CEP85: variants seen among roughly 807,000 people sequenced by gnomAD.
CEP85 encodes the protein centrosomal protein of 85 kDa.
A neutral mutation model predicts 93.7 loss-of-function variants in CEP85; 58 were observed. The ratio of observed to expected loss-of-function variants is 0.62; its 90% CI spans 0.50 to 0.77. The LOEUF (loss-of-function observed/expected upper bound fraction) is 0.77. Among genes scored for constraint, CEP85 ranks in the 30% least tolerant of loss-of-function variants. CEP85 has a pLI of 0.00. For synonymous variants in CEP85, 314 were observed against 338.6 expected (o/e 0.93, Z 0.80); for missense variants, 868 against 922.0 (o/e 0.94, Z 0.76).
chr1:26,269,663 C>A, intron 9 of CEP85, 49 bp downstream of exon 9: 2 of 1,459,852 alleles, frequency 1.4e-6, no homozygotes, highest in Non-Finnish European at 1.9e-6. Flanking sequence ...AGTTTTTTGT[C>A]ATAGCCATCC....
At chr1:26,247,308 C>T (rs1300356738) in intron 3 of CEP85, among the ~76,000 whole-genome samples, 1 of 152,062 alleles carries the variant, frequency 6.6e-6, no homozygotes, top group Non-Finnish European at 1.5e-5. Context: ...CATTAATATA[C>T]TAAAACCCAT....
At chr1:26,245,979 C>CA (rs11403503) in intron 3 of CEP85, among the ~76,000 whole-genome samples, 79,186 of 147,892 alleles carry the variant, frequency 0.54, 21,996 homozygotes, top group Non-Finnish European at 0.65. Context: ...GACCCTGTCT[C>CA]AAAAAAAAAA....
rs2090079305 is a variant in CEP85, at chr1:26,278,116, T to G, written c.*823T>G. On this transcript the variant is annotated 3_prime_UTR_variant, in exon 14 of 14. Transcript: ENST00000451429. ...TATCCCAGAGACCACAGAGCAACTGTCAAGCTGCTTACCCCCTCACCCAGG... is the reference window on the plus strand; with the variant it reads ...TATCCCAGAGACCACAGAGCAACTGGCAAGCTGCTTACCCCCTCACCCAGG... 1 of 152,612 alleles carries G rather than the reference T, an allele frequency of 6.6e-6. No individual in the cohort carries two copies. The highest frequency in any genetic ancestry group is 1.5e-5 in the Non-Finnish European group (1 of 68,060). The allele number at this position is 152,612 out of a possible 1,614,324, so 9.5% of individuals were successfully genotyped here. A position where few individuals can be genotyped will look rare whatever the true frequency, so the allele number is the denominator to read the frequency against.
At chr1:26,270,476 A>C (rs752763479) in intron 9 of CEP85, among the ~76,000 whole-genome samples, 27 of 152,188 alleles carry the variant, frequency 1.8e-4, no homozygotes, top group Non-Finnish European at 1.5e-4. Flanking sequence ...CTTGGACCAA[A>C]TCCAGTTTCT....
intron 3 of CEP85, among the ~76,000 whole-genome samples, chr1:26,249,836 A>AG (rs1235607260): frequency 1.3e-5 from 2 of 152,338 alleles, no homozygotes; most frequent in East Asian, 3.9e-4. Context: ...TGGGAACTGT[A>AG]GATTTCTGTA....
intron 3 of CEP85, among the ~76,000 whole-genome samples, chr1:26,245,244 G>C (rs1338011899): frequency 1.3e-5 from 2 of 151,176 alleles, no homozygotes; most frequent in Non-Finnish European, 2.9e-5. Context: ...GCCCAGGCTG[G>C]TCTCAAACTC....
chr1:26,248,094 T>C (rs1459971117), intron 3 of CEP85, among the ~76,000 whole-genome samples: 2 of 152,210 alleles, frequency 1.3e-5, no homozygotes, highest in African/African-American at 4.8e-5. Context: ...TTTTGATTGG[T>C]GAATAACAAA....
chr1:26,252,822 G>C (rs1350377388), intron 3 of CEP85, among the ~76,000 whole-genome samples: 1 of 152,088 alleles, frequency 6.6e-6, no homozygotes, highest in Non-Finnish European at 1.5e-5. Flanking sequence ...GTAATATAAG[G>C]CTTGCACGTC....
At position 26,244,264 on chromosome 1, in the gene CEP85, G is replaced by T; in HGVS notation, c.154G>T (p.Val52Leu). 1.9e-6 allele frequency: 3 copies of T among 1,614,076 alleles called. No individual in the cohort carries two copies. The highest frequency in any genetic ancestry group is 2.5e-6 in the Non-Finnish European group (3 of 1,180,002). Residue 52 changes from valine (V) to leucine (L), a missense_variant, in exon 3 of 14, where the codon GTA becomes TTA. By Grantham distance (32) the Val-to-Leu change is conservative. Coordinates refer to ENST00000451429, the MANE Select transcript of CEP85 (RefSeq NM_001319944.2). ...GAGCCGCTTCAGCCGCTGTTCAAGT[G>T]TAGCCGACAGTGGGGACACAGCCAT... Reference protein sequence around the residue: ...FRSRFSRCSSVADSGDTAIGT... With the variant: ...FRSRFSRCSSLADSGDTAIGT...
At chr1:26,270,576 A>AGGGACC (rs1274143936) in intron 9 of CEP85, among the ~76,000 whole-genome samples, 1 of 152,214 alleles carries the variant, frequency 6.6e-6, no homozygotes, top group East Asian at 1.9e-4. Flanking sequence ...AAGTAATTGT[A>AGGGACC]GGGACCCACT....
chr1:26,255,102 G>A, intron 3 of CEP85, 69 bp from the exon 4 acceptor site: 1 of 1,272,972 alleles, frequency 7.9e-7, no homozygotes, highest in Non-Finnish European at 1.1e-6. Context: ...AGAGCTTCTG[G>A]CATAGCATTC....
At chr1:26,268,691 A>T in intron 8 of CEP85, 56 bp downstream of exon 8, 1 of 1,507,206 alleles carries the variant, frequency 6.6e-7, no homozygotes, top group Non-Finnish European at 8.9e-7. Context: ...AGGCAGGGGA[A>T]CTTTTTCATC....
chr1:26,241,457 G>A (rs1308641443), intron 2 of CEP85, among the ~76,000 whole-genome samples: 1 of 151,978 alleles, frequency 6.6e-6, no homozygotes, highest in Non-Finnish European at 1.5e-5. Context: ...TGTTAGCCAG[G>A]ATGGTCTCAA....
At chr1:26,265,945 C>T (rs952005706) in intron 7 of CEP85, among the ~76,000 whole-genome samples, 8 of 151,880 alleles carry the variant, frequency 5.3e-5, no homozygotes, top group African/African-American at 1.7e-4. Context: ...CGGTGGCTCA[C>T]GCCTGTAATC....
At chr1:26,273,909 TA>T (rs1412466234) in intron 11 of CEP85, among the ~76,000 whole-genome samples, 1 of 139,478 alleles carries the variant, frequency 7.2e-6, no homozygotes, top group Middle Eastern at 3.3e-3. Flanking sequence ...TCAAAATAAA[TA>T]AATAAATAAA....
chr1:26,250,215 TAGGAACCAGGCCACAC>T (rs1224686999), intron 3 of CEP85, among the ~76,000 whole-genome samples: 3 of 152,174 alleles, frequency 2.0e-5, no homozygotes, highest in Non-Finnish European at 4.4e-5. Flanking sequence ...CATGGCATAT[TAGGAACCAGGCCACAC>T]AGCTGGAGGT....
chr1:26,243,646 T>C (rs2089462271), intron 2 of CEP85, among the ~76,000 whole-genome samples: 1 of 152,164 alleles, frequency 6.6e-6, no homozygotes, highest in Non-Finnish European at 1.5e-5. Flanking sequence ...TCCTGGATTC[T>C]TCATGGGTCT....
intron 11 of CEP85, among the ~76,000 whole-genome samples, chr1:26,273,934 T>TAAATAAC (rs777935042): frequency 9.3e-6 from 1 of 107,860 alleles, no homozygotes; most frequent in Admixed American, 9.3e-5. Context: ...ATAAATAAAA[T>TAAATAAC]ATATATATAT....
At chr1:26,244,341 A>T (rs1331574177) in intron 3 of CEP85, 23 bp downstream of exon 3, 1 of 1,604,262 alleles carries the variant, frequency 6.2e-7, no homozygotes. Flanking sequence ...TAATGATTTG[A>T]TTACCAATAT....
Sources: gnomAD v4.1 joint callset for allele counts (sites outside exome capture counted in the v4.1 genomes callset) on GRCh38, gnomAD v4.1.1 for gene constraint, MANE v1.5 for transcripts, NCBI Gene and HGNC (gene_info 2026-07-23, HGNC 2026-07-21) for gene names.